Variants in WDR20 observed in about 807,000 individuals in gnomAD.
WDR20 encodes the protein WD repeat-containing protein 20.
Under a neutral mutation model 38.7 loss-of-function variants are expected in WDR20, and 3 were observed. That is an observed-to-expected ratio of 0.08 (90% CI 0.04 to 0.20). The LOEUF (loss-of-function observed/expected upper bound fraction) is 0.20. Among genes scored for constraint, WDR20 ranks in the 10% least tolerant of loss-of-function variants. The pLI, the probability that WDR20 is intolerant of heterozygous loss-of-function variation, is 1.00. For synonymous variants in WDR20, 298 were observed against 285.6 expected, an observed-to-expected ratio of 1.04 and a Z score of -0.44; for missense variants, 559 against 727.7, an observed-to-expected ratio of 0.77 and a Z score of 2.67.
intron 1 of WDR20, among the ~76,000 whole-genome samples, chr14:102,184,773 T>C (rs2064201309): frequency 6.6e-6 from 1 of 152,226 alleles, no homozygotes; most frequent in South Asian, 2.1e-4. Flanking sequence ...TTGCTGACGT[T>C]TGACTTATTG....
intron 1 of WDR20, among the ~76,000 whole-genome samples, chr14:102,193,667 A>G (rs1389171723): frequency 6.6e-6 from 1 of 151,976 alleles, no homozygotes; most frequent in Non-Finnish European, 1.5e-5. Flanking sequence ...CCTCTTTTCT[A>G]CTCATTACTT....
chr14:102,200,890 C>T (rs761886795), intron 2 of WDR20, among the ~76,000 whole-genome samples: 5 of 152,180 alleles, frequency 3.3e-5, no homozygotes, highest in Non-Finnish European at 5.9e-5. Context: ...GGCCCTGACT[C>T]CTGGGGTATG....
intron 1 of WDR20, among the ~76,000 whole-genome samples, chr14:102,142,476 C>T (rs1380693478): frequency 6.6e-6 from 1 of 152,060 alleles, no homozygotes; most frequent in Non-Finnish European, 1.5e-5. Context: ...TTTTTAGAGA[C>T]AGGATCTCAT....
At chr14:102,211,683 G>A (rs1319357415), downstream of WDR20, among the ~76,000 whole-genome samples, 1 of 152,202 alleles carries the variant, frequency 6.6e-6, no homozygotes, top group Non-Finnish European at 1.5e-5. The surrounding 1 kb of genome is among the most constrained non-coding windows in gnomAD (Gnocchi z 4.2). Context: ...CATCCTTGTG[G>A]ACAGTTTCCG....
At chr14:102,195,447 G>A (rs926802141) in intron 2 of WDR20, among the ~76,000 whole-genome samples, 7 of 152,178 alleles carry the variant, frequency 4.6e-5, no homozygotes, top group African/African-American at 1.7e-4. Flanking sequence ...TCCAAAGTTG[G>A]TTCACATCAC....
chr14:102,146,286 T>C (rs1466719003), intron 1 of WDR20, among the ~76,000 whole-genome samples: 1 of 152,132 alleles, frequency 6.6e-6, no homozygotes, highest in African/African-American at 2.4e-5. Context: ...TGCCTCAGCC[T>C]CCGAAGTAGC....
At position 102,222,957 on chromosome 14, in the gene WDR20, G is replaced by T. The variant is rs113092506; in HGVS notation, c.*74G>T. 1 of 1,584,410 alleles carries T rather than the reference G, an allele frequency of 6.3e-7. No homozygotes were observed. The highest frequency in any genetic ancestry group is 1.3e-5 in the African/African-American group (1 of 74,310). On this transcript the variant is annotated 3_prime_UTR_variant, in exon 4 of 4. Coordinates refer to the WDR20 transcript ENST00000335263. The surrounding 1 kb of genome is among the most constrained non-coding windows in gnomAD (Gnocchi z 4.4). Reference sequence around the variant, plus strand: ...GTGACGAGGAGGAGCTCCGAGCTGCGCCTGAGCCGTGCCAGCCGGCGGACC... The same window carrying T: ...GTGACGAGGAGGAGCTCCGAGCTGCTCCTGAGCCGTGCCAGCCGGCGGACC...
At chr14:102,171,836 T>G (rs2152826049) in intron 1 of WDR20, among the ~76,000 whole-genome samples, 1 of 151,988 alleles carries the variant, frequency 6.6e-6, no homozygotes, top group South Asian at 2.1e-4. Flanking sequence ...AGGAATATGT[T>G]TAGTACATTA....
At chr14:102,144,580 C>A (rs2052886336) in intron 1 of WDR20, among the ~76,000 whole-genome samples, 1 of 152,062 alleles carries the variant, frequency 6.6e-6, no homozygotes, top group Admixed American at 6.5e-5. Flanking sequence ...TTATGGACAT[C>A]TGTTTTTACA....
chr14:102,149,993 G>A (rs59000548), intron 1 of WDR20, among the ~76,000 whole-genome samples: 2,693 of 152,152 alleles, frequency 0.018, 86 homozygotes, highest in African/African-American at 0.062. Flanking sequence ...GCACCCAGAC[G>A]TCGATTCTAT....
At chr14:102,141,851 A>G (rs2152658236) in intron 1 of WDR20, among the ~76,000 whole-genome samples, 1 of 152,318 alleles carries the variant, frequency 6.6e-6, no homozygotes, top group African/African-American at 2.4e-5. Context: ...TTATATAAAA[A>G]TACGATGTGC....
intron 1 of WDR20, among the ~76,000 whole-genome samples, chr14:102,188,007 G>T (rs577127669): frequency 1.3e-5 from 2 of 152,164 alleles, no homozygotes; most frequent in Non-Finnish European, 2.9e-5. Flanking sequence ...CTGCAAGACC[G>T]GTTCTCTCTT....
Position 102,199,054 on chromosome 14 carries a change from G to A in WDR20, c.432+3934G>A, listed in dbSNP as rs888331202. On this transcript the variant is annotated intron_variant, in intron 2 of 2. Transcript: ENST00000342702. ...GATGGTGAGAACAAAGAAGGCCTGG[G>A]TCTGAGGCCTGATTATACTCCAAGA... Among the ~76,000 whole-genome samples the A allele has an allele frequency of 3.2e-4, 49 of 152,170 alleles. 1 individual carries two copies.
At chr14:102,140,331 C>G (rs1446974770) in intron 1 of WDR20, 159 bp downstream of exon 1, 31 of 1,241,282 alleles carry the variant, frequency 2.5e-5, no homozygotes, top group Non-Finnish European at 4.4e-6. Flanking sequence ...AGAGGGGATT[C>G]AGGAGTAAGG....
chr14:102,215,193 A>G (rs1344748783), downstream of WDR20, among the ~76,000 whole-genome samples: 1 of 152,234 alleles, frequency 6.6e-6, no homozygotes, highest in Non-Finnish European at 1.5e-5. Context: ...ACTCGATGAA[A>G]TGTTCTGCGT....
At chr14:102,186,610 A>G (rs781326294) in intron 1 of WDR20, among the ~76,000 whole-genome samples, 4 of 151,998 alleles carry the variant, frequency 2.6e-5, no homozygotes, top group Non-Finnish European at 5.9e-5. Context: ...ACTGTGGACT[A>G]ATCAATCCCT....
intron 1 of WDR20, among the ~76,000 whole-genome samples, chr14:102,144,709 T>G (rs1951314): frequency 0.045 from 6,791 of 151,988 alleles, 192 homozygotes; most frequent in Middle Eastern, 0.068. Context: ...GTTTTGTTTT[T>G]TTTTTTGTTT....
At chr14:102,223,086 G>A (rs1283699567) in exon 4 of WDR20, 17 of 503,226 alleles carry the variant, frequency 3.4e-5, no homozygotes, top group Non-Finnish European at 4.2e-5. Flanking sequence ...ATTTTAAACC[G>A]GTCTTTTGGG....
rs2062238531 is a variant in WDR20, at chr14:102,210,004, C to G, written c.*124C>G. The G allele has an allele frequency of 4.8e-6, 7 of 1,455,232 alleles. No homozygotes were observed. The East Asian group carries it at 1.7e-4, about 35-fold the overall frequency. The allele number at this position is 1,455,232 out of a possible 1,614,324, so 90.1% of individuals were successfully genotyped here. A position where few individuals can be genotyped will look rare whatever the true frequency, so the allele number is the denominator to read the frequency against. On this transcript the variant is annotated 3_prime_UTR_variant, in exon 3 of 3. Transcript: ENST00000342702. Reference sequence around the variant, plus strand: ...AATGTAAATCTCAATGCATCAGAGCCATAATTTTGGATACTGCATGCCATG... The same window carrying G: ...AATGTAAATCTCAATGCATCAGAGCGATAATTTTGGATACTGCATGCCATG...
Sources: allele counts gnomAD v4.1 joint callset (sites outside exome capture counted in the v4.1 genomes callset), GRCh38; gene constraint gnomAD v4.1.1; non-coding constraint Gnocchi (gnomAD v3.1); transcripts MANE v1.5; gene names NCBI Gene and HGNC (gene_info 2026-07-23, HGNC 2026-07-21).